Variants in GPR63 observed in about 807,000 individuals in gnomAD.
GPR63 encodes G protein-coupled receptor 63, also known as probable G protein-coupled receptor 63.
GPR63 carries 12 observed loss-of-function variants against 23.1 expected under a neutral mutation model. The ratio of observed to expected loss-of-function variants is 0.52; its 90% CI spans 0.33 to 0.84. The LOEUF (loss-of-function observed/expected upper bound fraction) is 0.84. Ranked by LOEUF, GPR63 falls within the 40% of genes least tolerant of loss-of-function variation. GPR63 has a pLI of 0.02. For missense variants in GPR63, 472 were observed against 515.6 expected (o/e 0.92, Z 0.82); for synonymous variants, 172 against 191.1 (o/e 0.90, Z 0.82).
At chr6:96,831,180 A>G (rs762158641) in intron 1 of GPR63, among the ~76,000 whole-genome samples, 2 of 152,226 alleles carry the variant, frequency 1.3e-5, no homozygotes, top group Non-Finnish European at 2.9e-5. Context: ...TTATGTATCA[A>G]TATGTGTGGG....
intron 1 of GPR63, among the ~76,000 whole-genome samples, chr6:96,834,634 T>G (rs1774676290): frequency 6.6e-6 from 1 of 151,394 alleles, no homozygotes; most frequent in African/African-American, 2.4e-5. Context: ...TATAAACACA[T>G]TTCTGGTAAA....
chr6:96,798,849 T>C lies in GPR63; in HGVS notation c.883A>G (p.Ser295Gly), dbSNP rs1405905228. Residue 295 changes from serine (S) to glycine (G), a missense_variant, in exon 2 of 2, where the codon AGT (serine) becomes GGT (glycine). Coordinates refer to ENST00000229955, the MANE Select transcript of GPR63 (RefSeq NM_030784.4). ...CTCATCTGGAAAGGTCTCTGCAGACTCATGAGACCCAGTTTGCTGGCCTGG... is the reference window on the plus strand; with the variant it reads ...CTCATCTGGAAAGGTCTCTGCAGACCCATGAGACCCAGTTTGCTGGCCTGG... Reference protein sequence around the residue: ...LSQASKLGLMSLQRPFQMSID... With the variant: ...LSQASKLGLMGLQRPFQMSID... The C allele has an allele frequency of 8.0e-5, 129 of 1,614,080 alleles. No homozygotes were observed. The highest frequency in any genetic ancestry group is 1.1e-4 in the Non-Finnish European group (127 of 1,180,054).
chr6:96,835,082 T>C (rs1272877458), intron 1 of GPR63, among the ~76,000 whole-genome samples: 2 of 152,220 alleles, frequency 1.3e-5, no homozygotes, highest in African/African-American at 4.8e-5. Context: ...ATTGGCAGGG[T>C]AATTCAATCC....
chr6:96,823,941 G>A (rs1372628378), intron 1 of GPR63, among the ~76,000 whole-genome samples: 1 of 151,808 alleles, frequency 6.6e-6, no homozygotes, highest in Non-Finnish European at 1.5e-5. Flanking sequence ...GCTTGTGTAA[G>A]TGCACACTAT....
intron 1 of GPR63, among the ~76,000 whole-genome samples, chr6:96,828,614 G>C (rs938973273): frequency 4.1e-5 from 6 of 147,292 alleles, no homozygotes; most frequent in Non-Finnish European, 7.4e-5. Flanking sequence ...CCAAAAGAAG[G>C]CAAGAAAGGA....
At chr6:96,830,951 A>T (rs1473222247) in intron 1 of GPR63, among the ~76,000 whole-genome samples, 1 of 152,228 alleles carries the variant, frequency 6.6e-6, no homozygotes, top group African/African-American at 2.4e-5. Context: ...GAAAGAAAGA[A>T]AGATACAAAC....
At chr6:96,829,215 T>C (rs1349015219) in intron 1 of GPR63, among the ~76,000 whole-genome samples, 4 of 152,226 alleles carry the variant, frequency 2.6e-5, no homozygotes, top group African/African-American at 4.8e-5. Flanking sequence ...GGAACACTTA[T>C]TTGTAGAGAA....
At chr6:96,827,837 T>TAC (rs200458457) in intron 1 of GPR63, among the ~76,000 whole-genome samples, 5 of 151,702 alleles carry the variant, frequency 3.3e-5, no homozygotes, top group South Asian at 2.1e-4. Context: ...CTTTCACACA[T>TAC]ACACACACAC....
intron 1 of GPR63, 114 bp from the exon 2 acceptor site, chr6:96,799,995 T>C: frequency 2.1e-6 from 1 of 469,532 alleles, no homozygotes; most frequent in Non-Finnish European, 4.0e-6. Context: ...TTTGACCGTT[T>C]AAAAATATTT....
intron 1 of GPR63, among the ~76,000 whole-genome samples, chr6:96,815,492 T>A (rs1403899955): frequency 1.3e-5 from 2 of 152,160 alleles, no homozygotes; most frequent in African/African-American, 4.8e-5. Flanking sequence ...GTTCTAAAAA[T>A]CTTCTGTACA....
intron 1 of GPR63, among the ~76,000 whole-genome samples, chr6:96,802,218 T>C (rs1331938823): frequency 3.3e-5 from 5 of 152,200 alleles, no homozygotes; most frequent in Non-Finnish European, 7.3e-5. Context: ...ATTTAAAAGA[T>C]GACTTTTAAC....
At chr6:96,830,607 AG>A (rs1469960585) in intron 1 of GPR63, among the ~76,000 whole-genome samples, 6 of 152,232 alleles carry the variant, frequency 3.9e-5, no homozygotes, top group Admixed American at 1.3e-4. Flanking sequence ...TCTGGAAAAC[AG>A]TAACTGTCCC....
chr6:96,831,770 G>C (rs1293553468), intron 1 of GPR63, among the ~76,000 whole-genome samples: 1 of 152,036 alleles, frequency 6.6e-6, no homozygotes, highest in Non-Finnish European at 1.5e-5. Context: ...GCCAGGCACA[G>C]TGATCGGCAC....
At chr6:96,806,158 T>C (rs1369072301) in intron 1 of GPR63, among the ~76,000 whole-genome samples, 2 of 152,184 alleles carry the variant, frequency 1.3e-5, no homozygotes, top group Admixed American at 6.5e-5. Context: ...ATGCTGACTA[T>C]ACAGTAAGTG....
rs371581266 is a variant in GPR63, at chr6:96,795,470, TAATA to T, written c.*2998_*3001del. 5.3e-5 allele frequency: 8 copies of T among 152,162 alleles called. No homozygotes were observed. The highest frequency in any genetic ancestry group is 1.9e-4 in the African/African-American group (8 of 41,440). The allele number at this position is 152,162 out of a possible 1,614,324, so 9.4% of individuals were successfully genotyped here. A position where few individuals can be genotyped will look rare whatever the true frequency, so the allele number is the denominator to read the frequency against. ...TTTTAAAGCTTTCACAATGTATACA[TAATA>T]AAAATGTTCAAAATGATTTGTAAAC... On this transcript the variant is annotated 3_prime_UTR_variant, in exon 2 of 2. Coordinates refer to ENST00000229955, the MANE Select transcript of GPR63 (RefSeq NM_030784.4).
chr6:96,819,793 GA>G (rs1355015143), intron 1 of GPR63, among the ~76,000 whole-genome samples: 3 of 150,694 alleles, frequency 2.0e-5, no homozygotes, highest in Non-Finnish European at 4.4e-5. Context: ...CTAACATGGT[GA>G]AACCCTTCTC....
chr6:96,829,150 C>A (rs1337702095), intron 1 of GPR63, among the ~76,000 whole-genome samples: 1 of 152,138 alleles, frequency 6.6e-6, no homozygotes, highest in Non-Finnish European at 1.5e-5. Context: ...CTTATAGATA[C>A]ACATGAAACT....
chr6:96,820,579 T>C (rs1055583062), intron 1 of GPR63, among the ~76,000 whole-genome samples: 4 of 152,168 alleles, frequency 2.6e-5, no homozygotes, highest in African/African-American at 9.7e-5. Flanking sequence ...TCCACAAATA[T>C]TACCTCAGAA....
At chr6:96,834,041 G>T (rs570095001) in intron 1 of GPR63, among the ~76,000 whole-genome samples, 1 of 152,230 alleles carries the variant, frequency 6.6e-6, no homozygotes, top group East Asian at 1.9e-4. Context: ...GCTTTCCTGT[G>T]TATTAAGCTA....
Sources: gnomAD v4.1 joint callset for allele counts (sites outside exome capture counted in the v4.1 genomes callset) on GRCh38, gnomAD v4.1.1 for gene constraint, MANE v1.5 for transcripts, NCBI Gene and HGNC (gene_info 2026-07-23, HGNC 2026-07-21) for gene names.